Variants in CCR3 observed in about 807,000 individuals in gnomAD.
CCR3 encodes C-C motif chemokine receptor 3.
For missense variants in CCR3, 419 were observed against 437.5 expected (o/e 0.96, Z 0.38); for synonymous variants, 203 against 179.2 (o/e 1.13, Z -1.06).
At chr3:46,259,423 A>G (rs943415807) in intron 1 of CCR3, among the ~76,000 whole-genome samples, 18 of 152,222 alleles carry the variant, frequency 1.2e-4, no homozygotes, top group Non-Finnish European at 2.1e-4. Context: ...GGCTGATAAA[A>G]TATATACAAC....
At chr3:46,237,916 C>T (rs945284334), upstream of CCR3, among the ~76,000 whole-genome samples, 7 of 152,228 alleles carry the variant, frequency 4.6e-5, no homozygotes, top group African/African-American at 1.4e-4. Flanking sequence ...TTTTGATCTT[C>T]TTACCACCTT....
chr3:46,241,132 TC>T (rs369841117), upstream of CCR3, among the ~76,000 whole-genome samples: 1,327 of 151,480 alleles, frequency 8.8e-3, 12 homozygotes, highest in Middle Eastern at 0.041. Flanking sequence ...CTCTCCCTAT[TC>T]TTTCTCTCTC....
upstream of CCR3, among the ~76,000 whole-genome samples, chr3:46,241,004 A>G (rs1700075798): frequency 6.6e-6 from 1 of 152,202 alleles, no homozygotes; most frequent in African/African-American, 2.4e-5. Flanking sequence ...CTTTAACTAT[A>G]TTTGAGCATT....
intron 2 of CCR3, among the ~76,000 whole-genome samples, chr3:46,224,734 CAAAAAAAAAA>C (rs901561258): frequency 4.2e-5 from 2 of 47,472 alleles, no homozygotes; most frequent in African/African-American, 1.5e-4. Flanking sequence ...AAGACTCTGT[CAAAAAAAAAA>C]AAAAAAAAAA....
At chr3:46,240,852 C>T (rs954868617), upstream of CCR3, among the ~76,000 whole-genome samples, 22 of 152,204 alleles carry the variant, frequency 1.4e-4, no homozygotes, top group Admixed American at 7.2e-4. Context: ...CCCTATTAAG[C>T]GGTAAAGGTA....
At chr3:46,219,499 G>C (rs1484978633) in intron 2 of CCR3, among the ~76,000 whole-genome samples, 1 of 151,868 alleles carries the variant, frequency 6.6e-6, no homozygotes, top group East Asian at 1.9e-4. Context: ...AATTCATATG[G>C]AACCAAAAAA....
intron 1 of CCR3, chr3:46,264,545 A>G (rs1158146165): frequency 2.7e-6 from 2 of 750,960 alleles, no homozygotes; most frequent in Non-Finnish European, 2.1e-6. Flanking sequence ...GAGACTAAAG[A>G]TCTAGCCCAA....
chr3:46,242,871 A>G (rs1700108089), intron 1 of CCR3, among the ~76,000 whole-genome samples: 1 of 151,310 alleles, frequency 6.6e-6, no homozygotes, highest in Non-Finnish European at 1.5e-5. Context: ...CTATGTGCAT[A>G]TGACTACTCC....
At chr3:46,256,862 A>G (rs530182312) in intron 1 of CCR3, among the ~76,000 whole-genome samples, 1 of 152,114 alleles carries the variant, frequency 6.6e-6, no homozygotes, top group East Asian at 1.9e-4. Context: ...TTGCCCAAAG[A>G]GCCAAGACCT....
intron 2 of CCR3, among the ~76,000 whole-genome samples, chr3:46,225,516 A>G (rs887904526): frequency 1.3e-5 from 2 of 152,100 alleles, no homozygotes; most frequent in African/African-American, 2.4e-5. Context: ...TGGCTGTATT[A>G]TTTTATGTTC....
At chr3:46,225,273 T>A (rs75718598) in intron 2 of CCR3, among the ~76,000 whole-genome samples, 1 of 152,234 alleles carries the variant, frequency 6.6e-6, no homozygotes, top group Non-Finnish European at 1.5e-5. Flanking sequence ...ATGTCTTGAC[T>A]GGTGGTTACA....
At chr3:46,217,223 A>T (rs1291567216) in intron 2 of CCR3, among the ~76,000 whole-genome samples, 1 of 152,218 alleles carries the variant, frequency 6.6e-6, no homozygotes, top group African/African-American at 2.4e-5. Flanking sequence ...AAAGAGAAAC[A>T]TTATGTAATG....
chr3:46,246,514 A>T (rs1700194114), intron 1 of CCR3, among the ~76,000 whole-genome samples: 2 of 152,232 alleles, frequency 1.3e-5, no homozygotes, highest in East Asian at 3.9e-4. Flanking sequence ...TTGAGCCAGG[A>T]TGAGCTAGGA....
At chr3:46,243,700 G>A (rs576425131) in intron 1 of CCR3, among the ~76,000 whole-genome samples, 1 of 152,314 alleles carries the variant, frequency 6.6e-6, no homozygotes, top group African/African-American at 2.4e-5. Context: ...AGAAAATGGT[G>A]ATGATTACAC....
At chr3:46,238,803 T>A (rs1242990650), upstream of CCR3, among the ~76,000 whole-genome samples, 1 of 152,084 alleles carries the variant, frequency 6.6e-6, no homozygotes, top group East Asian at 1.9e-4. Flanking sequence ...CACAAATGAA[T>A]CTCAAACTCA....
intron 2 of CCR3, among the ~76,000 whole-genome samples, chr3:46,217,547 T>A (rs779295024): frequency 6.6e-6 from 1 of 152,140 alleles, no homozygotes; most frequent in Non-Finnish European, 1.5e-5. Flanking sequence ...TTCTCCAAGA[T>A]AGACTATATG....
At chr3:46,242,970 TATATATATACAC>T (rs1199656497) in intron 1 of CCR3, among the ~76,000 whole-genome samples, 2 of 106,102 alleles carry the variant, frequency 1.9e-5, no homozygotes, top group African/African-American at 7.3e-5. Flanking sequence ...TGTGTATATA[TATATATATACAC>T]ATATATATAT....
intron 1 of CCR3, among the ~76,000 whole-genome samples, chr3:46,262,749 G>A (rs1700550213): frequency 1.3e-5 from 2 of 152,102 alleles, no homozygotes; most frequent in African/African-American, 4.8e-5. Flanking sequence ...CAACCTTCTA[G>A]GCTCAAGGGA....
chr3:46,249,964 A>G (rs190845260), intron 1 of CCR3, among the ~76,000 whole-genome samples: 80 of 151,998 alleles, frequency 5.3e-4, no homozygotes, highest in African/African-American at 1.9e-3. Flanking sequence ...TTGGAGTTTT[A>G]TTTAATGTCG....
Sources: gnomAD v4.1 joint callset for allele counts (sites outside exome capture counted in the v4.1 genomes callset) on GRCh38, gnomAD v4.1.1 for gene constraint, MANE v1.5 for transcripts, NCBI Gene and HGNC (gene_info 2026-07-23, HGNC 2026-07-21) for gene names.